PCDH9: variants seen among roughly 807,000 people sequenced by gnomAD.
PCDH9 encodes protocadherin 9.
In PCDH9, 24 loss-of-function variants were observed where a neutral mutation model predicts 70.6. The ratio of observed to expected loss-of-function variants is 0.34; its 90% CI spans 0.25 to 0.48. PCDH9 has a LOEUF of 0.48. Among genes scored for constraint, PCDH9 ranks in the 20% least tolerant of loss-of-function variants. PCDH9 has a pLI of 0.99. For synonymous variants in PCDH9, 562 were observed against 558.5 expected (o/e 1.01, Z -0.09); for missense variants, 1,281 against 1,503.6 (o/e 0.85, Z 2.45).
intron 4 of PCDH9, among the ~76,000 whole-genome samples, chr13:66,355,275 C>T (rs1956362601): frequency 1.3e-5 from 2 of 152,008 alleles, no homozygotes; most frequent in Admixed American, 1.3e-4. Flanking sequence ...AACTCAATAT[C>T]ACCCTTTTGC....
chr13:66,731,080 G>T (rs1379935291), intron 3 of PCDH9, among the ~76,000 whole-genome samples: 1 of 151,666 alleles, frequency 6.6e-6, no homozygotes, highest in East Asian at 1.9e-4. Context: ...CAGGGGAATG[G>T]TTAAATTTGA....
At chr13:66,603,801 T>C (rs951068712) in intron 4 of PCDH9, among the ~76,000 whole-genome samples, 1 of 152,040 alleles carries the variant, frequency 6.6e-6, no homozygotes, top group Non-Finnish European at 1.5e-5. Flanking sequence ...TAAGACTTTG[T>C]TATGTAATTA....
chr13:66,509,419 C>A (rs1959355114), intron 4 of PCDH9, among the ~76,000 whole-genome samples: 1 of 151,994 alleles, frequency 6.6e-6, no homozygotes, highest in African/African-American at 2.4e-5. Flanking sequence ...ATACAGATGG[C>A]CTAGTCAAAG....
chr13:67,223,289 T>C (rs995504311), intron 2 of PCDH9: 2 of 152,288 alleles, frequency 1.3e-5, no homozygotes, highest in African/African-American at 4.8e-5. Flanking sequence ...TTAACATTTA[T>C]GTCACTACAC....
In PCDH9 at chr13:66,877,385, T is replaced by G. The variant is rs941773918; in HGVS notation, c.3138+26119A>C. On this transcript the variant is annotated intron_variant, in intron 3 of 4. Coordinates refer to ENST00000377865, the MANE Select transcript of PCDH9 (RefSeq NM_203487.3). Reference sequence around the variant, plus strand: ...CTTTCTCTCCTAGAAGGTTTAGTGGTTTTTTTTTTTTGTTATTATTTTTTT... The same window carrying G: ...CTTTCTCTCCTAGAAGGTTTAGTGGGTTTTTTTTTTTGTTATTATTTTTTT... Among the ~76,000 whole-genome samples, 25 of 116,974 alleles carry G rather than the reference T, an allele frequency of 2.1e-4. 1 individual carries two copies. Among genetic ancestry groups the G allele is most frequent in the African/African-American group, 8.2e-4 (20 of 24,420 alleles). 76.7% of individuals were successfully genotyped at this position (116,974 alleles called of 152,430 possible).
intron 4 of PCDH9, among the ~76,000 whole-genome samples, chr13:66,548,951 G>T (rs2138675063): frequency 6.6e-6 from 1 of 151,956 alleles, no homozygotes; most frequent in South Asian, 2.1e-4. Context: ...TTAATGTTTT[G>T]TTAAAAAGGA....
chr13:66,550,716 C>G (rs760694180), intron 4 of PCDH9, among the ~76,000 whole-genome samples: 1 of 152,234 alleles, frequency 6.6e-6, no homozygotes, highest in Admixed American at 6.5e-5. Flanking sequence ...ACATGCCGTT[C>G]GGGTTTTCTG....
intron 2 of PCDH9, chr13:67,217,113 C>G (rs1255871845): frequency 6.6e-6 from 1 of 151,922 alleles, no homozygotes; most frequent in Admixed American, 6.6e-5. Context: ...TTGCATCCAC[C>G]GAATCCAAAA....
chr13:66,387,692 TG>T (rs1337533927), intron 4 of PCDH9, among the ~76,000 whole-genome samples: 1 of 152,120 alleles, frequency 6.6e-6, no homozygotes, highest in Non-Finnish European at 1.5e-5. Flanking sequence ...GCTGGCGTCA[TG>T]CTTCTTGTAC....
intron 3 of PCDH9, among the ~76,000 whole-genome samples, chr13:66,778,368 C>T (rs554415332): frequency 6.6e-6 from 1 of 152,216 alleles, no homozygotes; most frequent in Admixed American, 6.5e-5. Flanking sequence ...GTAACACTTA[C>T]AAAAATAGCC....
chr13:66,912,500 C>T (rs1445356335), intron 2 of PCDH9, among the ~76,000 whole-genome samples: 1 of 145,148 alleles, frequency 6.9e-6, no homozygotes, highest in African/African-American at 2.7e-5. Context: ...TTGTGAATTA[C>T]ATTCATAAGT....
At chr13:66,527,124 T>G (rs1229768583) in intron 4 of PCDH9, among the ~76,000 whole-genome samples, 1 of 143,548 alleles carries the variant, frequency 7.0e-6, no homozygotes, top group East Asian at 2.2e-4. Context: ...TCAGTCTTAT[T>G]GTACATTCCT....
chr13:66,950,865 G>A (rs746349775), intron 2 of PCDH9, among the ~76,000 whole-genome samples: 3 of 152,092 alleles, frequency 2.0e-5, no homozygotes, highest in Non-Finnish European at 4.4e-5. Flanking sequence ...TATGGCATAG[G>A]ACAGGTTTTC....
At chr13:66,654,260 A>T (rs2077895768) in intron 3 of PCDH9, among the ~76,000 whole-genome samples, 1 of 152,166 alleles carries the variant, frequency 6.6e-6, no homozygotes, top group Non-Finnish European at 1.5e-5. Flanking sequence ...GGAGCTAAAA[A>T]TCAAAACAAT....
chr13:67,134,877 T>C (rs2087196270), intron 2 of PCDH9, among the ~76,000 whole-genome samples: 3 of 152,216 alleles, frequency 2.0e-5, no homozygotes, highest in South Asian at 4.1e-4. Context: ...CAACTGATTA[T>C]TTAAAAAGAT....
intron 2 of PCDH9, among the ~76,000 whole-genome samples, chr13:67,175,944 AT>A (rs1215463159): frequency 1.4e-5 from 2 of 139,890 alleles, no homozygotes; most frequent in East Asian, 4.2e-4. Context: ...CAAGTAAACC[AT>A]TAAAAAAAAA....
At chr13:66,765,678 T>G (rs964615199) in intron 3 of PCDH9, among the ~76,000 whole-genome samples, 3 of 152,238 alleles carry the variant, frequency 2.0e-5, no homozygotes, top group South Asian at 4.1e-4. Flanking sequence ...GATAGTAGAT[T>G]GGGAATAATT....
intron 3 of PCDH9, among the ~76,000 whole-genome samples, chr13:66,795,438 C>A (rs1259235007): frequency 6.6e-6 from 1 of 152,054 alleles, no homozygotes; most frequent in Non-Finnish European, 1.5e-5. Context: ...TACTGCCTAA[C>A]AAATAATTTA....
chr13:66,680,493 A>T (rs2078303807), intron 3 of PCDH9, among the ~76,000 whole-genome samples: 1 of 152,018 alleles, frequency 6.6e-6, no homozygotes, highest in Admixed American at 6.6e-5. Context: ...TAAAGACAAC[A>T]TTGTATCCAT....
Sources: allele counts gnomAD v4.1 joint callset (sites outside exome capture counted in the v4.1 genomes callset), GRCh38; gene constraint gnomAD v4.1.1; transcripts MANE v1.5; gene names NCBI Gene and HGNC (gene_info 2026-07-23, HGNC 2026-07-21).